Variants in FRYL observed in about 807,000 individuals in gnomAD.
The protein encoded by FRYL is FRY like transcription coactivator, also known as protein furry homolog-like.
In FRYL, 150 loss-of-function variants were observed where a neutral mutation model predicts 351.2. The observed-to-expected ratio is 0.43, with a 90% CI of 0.37 to 0.49. FRYL has a LOEUF of 0.49. Ranked by LOEUF, FRYL falls within the 20% of genes least tolerant of loss-of-function variation. The pLI is 0.00. For missense variants in FRYL, 3,036 were observed against 3,619.3 expected (o/e 0.84, Z 4.13); for synonymous variants, 1,153 against 1,257.1 (o/e 0.92, Z 1.75).
intron 7 of FRYL, among the ~76,000 whole-genome samples, chr4:48,613,954 CAAAA>C (rs35519906): frequency 1.7e-5 from 2 of 115,056 alleles, no homozygotes; most frequent in Non-Finnish European, 1.8e-5. Context: ...TGACTCCAAC[CAAAA>C]AAAAAAAAAA....
chr4:48,590,557 A>G (rs1208491469), intron 17 of FRYL, 102 bp downstream of exon 17: 24 of 871,900 alleles, frequency 2.8e-5, no homozygotes, highest in Non-Finnish European at 4.1e-5. Flanking sequence ...TACTAGAAAA[A>G]CCATATTAGG....
At chr4:48,519,093 T>C (rs2148815510) in intron 55 of FRYL, among the ~76,000 whole-genome samples, 1 of 152,356 alleles carries the variant, frequency 6.6e-6, no homozygotes, top group African/African-American at 2.4e-5. Flanking sequence ...AGGATAAAAA[T>C]TTGAATGTCT....
intron 3 of FRYL, among the ~76,000 whole-genome samples, chr4:48,674,390 C>G (rs1763213486): frequency 6.6e-6 from 1 of 152,078 alleles, no homozygotes; most frequent in Non-Finnish European, 1.5e-5. Flanking sequence ...GATATTTAAG[C>G]ATTTCATGAA....
intron 16 of FRYL, among the ~76,000 whole-genome samples, chr4:48,591,374 T>C (rs1346679907): frequency 2.0e-5 from 3 of 152,228 alleles, no homozygotes; most frequent in Non-Finnish European, 2.9e-5. Context: ...TTCAACATTT[T>C]CCTTTCAACT....
intron 18 of FRYL, 93 bp downstream of exon 18, chr4:48,589,652 C>T (rs1742848744): frequency 4.9e-6 from 6 of 1,225,198 alleles, no homozygotes; most frequent in Non-Finnish European, 6.9e-6. Context: ...GGAAGAACTC[C>T]AAAGACCAAG....
chr4:48,763,638 T>C (rs950226830), intron 1 of FRYL, among the ~76,000 whole-genome samples: 1 of 152,092 alleles, frequency 6.6e-6, no homozygotes, highest in Non-Finnish European at 1.5e-5. Flanking sequence ...AAGTTAAAAT[T>C]TGAGCTTTAC....
At chr4:48,511,415 A>G (rs1722439083) in intron 57 of FRYL, among the ~76,000 whole-genome samples, 1 of 152,180 alleles carries the variant, frequency 6.6e-6, no homozygotes. Context: ...GTAAAGTCAT[A>G]AAAATGTATT....
intron 7 of FRYL, among the ~76,000 whole-genome samples, chr4:48,615,357 A>T (rs2149302453): frequency 6.6e-6 from 1 of 152,354 alleles, no homozygotes; most frequent in East Asian, 1.9e-4. Context: ...CTCCGTATAC[A>T]TAAAAGATAT....
intron 26 of FRYL, chr4:48,571,835 A>G: frequency 1.0e-6 from 1 of 985,038 alleles, no homozygotes; most frequent in Non-Finnish European, 1.2e-6. Context: ...GTGAGTCTAA[A>G]GCTCTTCAAC....
intron 1 of FRYL, among the ~76,000 whole-genome samples, chr4:48,765,671 C>G (rs1774874325): frequency 6.6e-6 from 1 of 151,958 alleles, no homozygotes; most frequent in African/African-American, 2.4e-5. Context: ...TAACAAGTTT[C>G]TGCACAACTA....
chr4:48,628,889 T>G (rs1286567884), intron 4 of FRYL, among the ~76,000 whole-genome samples: 3 of 151,840 alleles, frequency 2.0e-5, no homozygotes, highest in Non-Finnish European at 2.9e-5. Context: ...GATGGATAAG[T>G]AATAGACATG....
At chr4:48,650,822 T>G (rs1211530985) in intron 3 of FRYL, among the ~76,000 whole-genome samples, 1 of 151,896 alleles carries the variant, frequency 6.6e-6, no homozygotes, top group African/African-American at 2.4e-5. Context: ...ATATTCCAGG[T>G]GATGATGAAG....
At chr4:48,639,669 T>A (rs1480638325) in intron 3 of FRYL, among the ~76,000 whole-genome samples, 1 of 151,690 alleles carries the variant, frequency 6.6e-6, no homozygotes, top group Non-Finnish European at 1.5e-5. Context: ...GGGAAAAAAA[T>A]TATTAAAATG....
chr4:48,713,075 G>C (rs990551046), intron 1 of FRYL, among the ~76,000 whole-genome samples: 2 of 151,954 alleles, frequency 1.3e-5, no homozygotes, highest in African/African-American at 2.4e-5. Flanking sequence ...AGCTCCTGAA[G>C]GAAACACTAA....
At chr4:48,613,976 T>C (rs1748809534) in intron 7 of FRYL, among the ~76,000 whole-genome samples, 1 of 147,934 alleles carries the variant, frequency 6.8e-6, no homozygotes, top group Admixed American at 6.7e-5. Context: ...AAAAAGGCAT[T>C]TGAATAAATA....
chr4:48,708,041 C>G (rs1230437869), intron 2 of FRYL, among the ~76,000 whole-genome samples: 1 of 151,820 alleles, frequency 6.6e-6, no homozygotes, highest in African/African-American at 2.4e-5. Flanking sequence ...AGGATGATCT[C>G]GATCTTCTGA....
chr4:48,591,515 T>G (rs1179991362), intron 16 of FRYL, among the ~76,000 whole-genome samples: 1 of 152,162 alleles, frequency 6.6e-6, no homozygotes, highest in African/African-American at 2.4e-5. Context: ...TATAGTATGC[T>G]ACTTGATTTC....
chr4:48,559,579 T>G (rs1578117218), intron 33 of FRYL, among the ~76,000 whole-genome samples: 1 of 108,894 alleles, frequency 9.2e-6, no homozygotes, highest in South Asian at 3.6e-4. Context: ...ACACCTGTAG[T>G]CCCAGCTACT....
At chr4:48,608,739 G>A (rs1212463575) in intron 9 of FRYL, among the ~76,000 whole-genome samples, 2 of 152,106 alleles carry the variant, frequency 1.3e-5, no homozygotes, top group African/African-American at 4.8e-5. Context: ...AAATATGGTT[G>A]GCAATTTCTG....
Sources: gnomAD v4.1 joint callset for allele counts (sites outside exome capture counted in the v4.1 genomes callset) on GRCh38, gnomAD v4.1.1 for gene constraint, MANE v1.5 for transcripts, NCBI Gene and HGNC (gene_info 2026-07-23, HGNC 2026-07-21) for gene names.